Variants in DCAF7 observed in about 807,000 individuals in gnomAD.
DCAF7 encodes DDB1 and CUL4 associated factor 7, also known as DDB1- and CUL4-associated factor 7.
A neutral mutation model predicts 41.2 loss-of-function variants in DCAF7; 4 were observed. The ratio of observed to expected loss-of-function variants is 0.10; its 90% CI spans 0.05 to 0.22. DCAF7 has a LOEUF of 0.22. Ranked by LOEUF, DCAF7 falls within the 10% of genes least tolerant of loss-of-function variation. The probability of loss-of-function intolerance (pLI) is 1.00; values close to 1 mark genes in which losing one functional copy is unlikely to be tolerated. For synonymous variants in DCAF7, 143 were observed against 164.2 expected (o/e 0.87, Z 0.99); for missense variants, 131 against 443.2 (o/e 0.30, Z 6.32).
chr17:63,573,088 C>T (rs2033524141), intron 1 of DCAF7, among the ~76,000 whole-genome samples: 1 of 151,994 alleles, frequency 6.6e-6, no homozygotes, highest in Non-Finnish European at 1.5e-5. Context: ...TTATTCTGCC[C>T]AATGAGCCTC....
chr17:63,578,606 G>T lies in DCAF7; in HGVS notation c.275G>T (p.Gly92Val). 1 of 1,614,050 alleles carries T rather than the reference G, an allele frequency of 6.2e-7. No homozygotes were observed. Among genetic ancestry groups the T allele is most frequent in the Non-Finnish European group, 8.5e-7 (1 of 1,179,884 alleles). The change falls in exon 2 of 7, where the codon GGT becomes GTT. Residue 92 changes from glycine (G) to valine (V), a missense_variant. By Grantham distance (109) the Gly-to-Val change is moderately radical (BLOSUM62 -3). Transcript: ENST00000614556. ...GVYPDLLATSGDYLRVWRVGE... is the reference protein window; with the variant it reads ...GVYPDLLATSVDYLRVWRVGE... ...TATCCAGACCTACTGGCAACAAGCG[G>T]TGACTATCTCCGTGTGTGGAGGGTA...
intron 6 of DCAF7, among the ~76,000 whole-genome samples, chr17:63,587,908 C>T (rs2147779585): frequency 6.6e-6 from 1 of 150,504 alleles, no homozygotes; most frequent in Middle Eastern, 3.4e-3. Flanking sequence ...ATCGCTTGAA[C>T]CTGGGAGGCT....
chr17:63,578,636 G>A lies in DCAF7; in HGVS notation c.297+8G>A. The A allele has an allele frequency of 6.2e-7, 1 of 1,613,926 alleles. No individual in the cohort carries two copies. On this transcript the variant is annotated splice_region_variant and intron_variant, in intron 2 of 6. Coordinates refer to ENST00000614556, the MANE Select transcript of DCAF7 (RefSeq NM_005828.5). ...TATCTCCGTGTGTGGAGGGTAAGCG[G>A]ATGCTTTATTAGCAGCCAGACAAGT...
chr17:63,592,015 G>A lies in DCAF7; in HGVS notation c.*2843G>A, dbSNP rs950846711. ...GGAGAATGGGTCCACGTCATTCAAG[G>A]ACCTGAATTTTTTATGCTCAGGAGC... On this transcript the variant is annotated 3_prime_UTR_variant, in exon 7 of 7. Transcript: ENST00000614556. The A allele has an allele frequency of 3.9e-5, 6 of 152,284 alleles. No homozygotes were observed. The highest frequency in any genetic ancestry group is 1.4e-4 in the African/African-American group (6 of 41,462). The allele number at this position is 152,284 out of a possible 1,614,324, so 9.4% of individuals were successfully genotyped here. A position where few individuals can be genotyped will look rare whatever the true frequency, so the allele number is the denominator to read the frequency against.
In DCAF7 at chr17:63,550,782, G is replaced by A; in HGVS notation, c.105G>A (p.Ala35=). The A allele has an allele frequency of 6.2e-7, 1 of 1,613,866 alleles. No homozygotes were observed. Among genetic ancestry groups the A allele is most frequent in the Non-Finnish European group, 8.5e-7 (1 of 1,179,822 alleles). The change falls in exon 1 of 7, where the codon GCG becomes GCA. Residue 35 remains alanine, a synonymous_variant. Coordinates refer to ENST00000614556, the MANE Select transcript of DCAF7 (RefSeq NM_005828.5). The surrounding 1 kb of genome is among the most constrained non-coding windows in gnomAD (Gnocchi z 4.8). ...GGCCCGATAAGCGCTTTCGCTTGGC[G>A]CTGGGCAGCTTCGTGGAGGAGTACA... ...SVRPDKRFRL[A]LGSFVEEYNN...
chr17:63,572,196 C>T (rs2033514872), intron 1 of DCAF7, among the ~76,000 whole-genome samples: 1 of 152,160 alleles, frequency 6.6e-6, no homozygotes, highest in Admixed American at 6.6e-5. Flanking sequence ...AGAGCTGTTA[C>T]ATACAACTCA....
chr17:63,565,839 G>A (rs1372776436), intron 1 of DCAF7, among the ~76,000 whole-genome samples: 1 of 152,130 alleles, frequency 6.6e-6, no homozygotes, highest in Non-Finnish European at 1.5e-5. Context: ...AGTGGCTCAC[G>A]CCTGTAATCT....
chr17:63,551,606 T>C (rs960412313), intron 1 of DCAF7, among the ~76,000 whole-genome samples: 2 of 152,110 alleles, frequency 1.3e-5, no homozygotes, highest in African/African-American at 4.8e-5. Context: ...AAACTCATTT[T>C]TGAAAGTTGA....
Position 63,581,282 on chromosome 17 carries a change from C to G in DCAF7, c.528+1339C>G, listed in dbSNP as rs556816245. ...CTTAGCCTGCTGTTGTCTGTTAGGT[C>G]CAACCCAGAAAATGGGAACTACTCT... On this transcript the variant is annotated intron_variant, in intron 4 of 6. Transcript: ENST00000614556. Among the ~76,000 whole-genome samples the G allele has an allele frequency of 1.6e-4, 25 of 152,266 alleles. No homozygotes were observed. In the South Asian group the frequency reaches 5.0e-3, roughly 30 times the overall value.
At chr17:63,575,508 T>C (rs931334537) in intron 1 of DCAF7, among the ~76,000 whole-genome samples, 2 of 152,196 alleles carry the variant, frequency 1.3e-5, no homozygotes, top group African/African-American at 2.4e-5. Context: ...GCGACCAGCC[T>C]AGCCGACATG....
intron 6 of DCAF7, among the ~76,000 whole-genome samples, chr17:63,588,526 G>A (rs1211692076): frequency 6.7e-6 from 1 of 148,560 alleles, no homozygotes; most frequent in Non-Finnish European, 1.5e-5. Flanking sequence ...GCACATATCA[G>A]CACTACTTTA....
chr17:63,577,506 A>T (rs1442949029), intron 1 of DCAF7, among the ~76,000 whole-genome samples: 2 of 152,192 alleles, frequency 1.3e-5, no homozygotes, highest in African/African-American at 4.8e-5. Context: ...TTGGAAGTTA[A>T]TGGTGGGCTA....
intron 1 of DCAF7, among the ~76,000 whole-genome samples, chr17:63,559,853 CAT>C (rs1193295519): frequency 6.6e-6 from 1 of 151,904 alleles, no homozygotes; most frequent in Non-Finnish European, 1.5e-5. Context: ...AGAATGTAAA[CAT>C]ATAACTGTAA....
At chr17:63,559,741 G>A (rs1471761948) in intron 1 of DCAF7, among the ~76,000 whole-genome samples, 1 of 151,960 alleles carries the variant, frequency 6.6e-6, no homozygotes, top group Non-Finnish European at 1.5e-5. Flanking sequence ...GGCAGAGATT[G>A]CAGTGAGCCG....
At chr17:63,569,573 TTTTTTG>T (rs377262760) in intron 1 of DCAF7, among the ~76,000 whole-genome samples, 128 of 152,180 alleles carry the variant, frequency 8.4e-4, no homozygotes, top group African/African-American at 1.5e-3. Flanking sequence ...ACTTTGGTGG[TTTTTTG>T]TTTTTGTTTT....
chr17:63,584,277 G>T (rs1383521587), intron 5 of DCAF7, among the ~76,000 whole-genome samples: 1 of 152,196 alleles, frequency 6.6e-6, no homozygotes, highest in African/African-American at 2.4e-5. Context: ...AGACCATCCT[G>T]GCCAACATGG....
At chr17:63,579,770 A>G (rs1289149928) in intron 3 of DCAF7, 55 bp from the exon 4 acceptor site, 4 of 1,427,804 alleles carry the variant, frequency 2.8e-6, no homozygotes, top group Non-Finnish European at 3.9e-6. Flanking sequence ...ACAAGAGGGA[A>G]GCTTGCATGA....
intron 6 of DCAF7, among the ~76,000 whole-genome samples, chr17:63,588,642 A>G (rs972910116): frequency 7.2e-5 from 11 of 152,158 alleles, no homozygotes; most frequent in Non-Finnish European, 1.3e-4. Flanking sequence ...TAACCACTCA[A>G]GTATTTTAAG....
chr17:63,586,846 T>C (rs986741505), intron 6 of DCAF7, among the ~76,000 whole-genome samples: 3 of 152,170 alleles, frequency 2.0e-5, no homozygotes, highest in Admixed American at 2.0e-4. Context: ...TTGAAAACAG[T>C]ACAGAAGCAT....
Sources: gnomAD v4.1 joint callset for allele counts (sites outside exome capture counted in the v4.1 genomes callset) on GRCh38, gnomAD v4.1.1 for gene constraint, Gnocchi (gnomAD v3.1) non-coding constraint, MANE v1.5 for transcripts, NCBI Gene and HGNC (gene_info 2026-07-23, HGNC 2026-07-21) for gene names.